TLL1: variants seen among roughly 807,000 people sequenced by gnomAD.
The protein encoded by TLL1 is tolloid like 1.
In TLL1, 49 loss-of-function variants were observed where a neutral mutation model predicts 128.2. The observed-to-expected ratio is 0.38, with a 90% confidence interval of 0.30 to 0.48. The LOEUF (loss-of-function observed/expected upper bound fraction) is 0.48. Among genes scored for constraint, TLL1 ranks in the 20% least tolerant of loss-of-function variants. The pLI is 0.96. For synonymous variants in TLL1, 454 were observed against 418.8 expected (o/e 1.08, Z -1.03); for missense variants, 1,123 against 1,242.0 (o/e 0.90, Z 1.44).
At chr4:165,925,251 CG>C (rs1733218706) in intron 1 of TLL1, among the ~76,000 whole-genome samples, 1 of 152,118 alleles carries the variant, frequency 6.6e-6, no homozygotes, top group African/African-American at 2.4e-5. Context: ...CAAAGTAAAT[CG>C]TAAACCTTCT....
rs1038092298 is a variant in TLL1, at chr4:165,989,176, T to C, written c.170-205T>C. 8.6e-5 allele frequency among the ~76,000 whole-genome samples: 13 copies of C among 152,000 alleles called. 1 individual carries two copies. Among genetic ancestry groups the C allele is most frequent in the Admixed American group, 7.9e-4 (12 of 15,222 alleles). On this transcript the variant is annotated intron_variant, in intron 1 of 20. Coordinates refer to ENST00000061240, the MANE Select transcript of TLL1 (RefSeq NM_012464.5). ...TTCCCCCTCTCCACAAGCAACAATG[T>C]AAAAAAATGGAGTTATGCCCTTTTA...
intron 9 of TLL1, among the ~76,000 whole-genome samples, chr4:166,036,275 TA>T (rs141278913): frequency 0.044 from 6,731 of 152,262 alleles, 192 homozygotes; most frequent in African/African-American, 0.064. Context: ...AAACAGTCTT[TA>T]ATAAGCACAA....
chr4:166,060,258 A>C, intron 15 of TLL1, 70 bp downstream of exon 15: 1 of 1,371,746 alleles, frequency 7.3e-7, no homozygotes, highest in Non-Finnish European at 1.0e-6. Flanking sequence ...TGTGAAATTA[A>C]AAAAAAAAAA....
At chr4:166,099,591 T>C in intron 20 of TLL1, 64 bp downstream of exon 20, 1 of 1,600,854 alleles carries the variant, frequency 6.2e-7, no homozygotes, top group Non-Finnish European at 8.5e-7. Context: ...TCATGATTGA[T>C]ATGTGTACCA....
intron 2 of TLL1, among the ~76,000 whole-genome samples, chr4:165,990,634 A>G (rs935313516): frequency 1.3e-5 from 2 of 151,682 alleles, no homozygotes; most frequent in Non-Finnish European, 3.0e-5. Flanking sequence ...GTGTGTTTAA[A>G]ACAAATTTGA....
intron 15 of TLL1, 76 bp from the exon 16 acceptor site, chr4:166,065,607 G>C (rs1468904849): frequency 5.3e-6 from 8 of 1,513,790 alleles, no homozygotes; most frequent in Non-Finnish European, 7.3e-6. Flanking sequence ...GGAAAAATAA[G>C]ATATGTTTTT....
intron 2 of TLL1, among the ~76,000 whole-genome samples, chr4:165,989,965 A>T (rs566134338): frequency 4.7e-4 from 72 of 151,974 alleles, no homozygotes; most frequent in African/African-American, 1.6e-3. Flanking sequence ...GCAAAATGTA[A>T]ATTATTCTTA....
chr4:166,074,651 G>T (rs144868916), intron 16 of TLL1, among the ~76,000 whole-genome samples: 2 of 151,910 alleles, frequency 1.3e-5, no homozygotes, highest in African/African-American at 2.4e-5. Context: ...AGTTATTATC[G>T]TAGCGCTAAT....
rs1041600593 is a variant in TLL1, at chr4:165,970,755, T to C, written c.170-18626T>C. Reference sequence around the variant, plus strand: ...CAACAGTCATATCTTTGGATAACCATATACAGGCATTTTAAGGACTGTTGG... The same window carrying C: ...CAACAGTCATATCTTTGGATAACCACATACAGGCATTTTAAGGACTGTTGG... On this transcript the variant is annotated intron_variant, in intron 1 of 20. Coordinates refer to ENST00000061240, the MANE Select transcript of TLL1 (RefSeq NM_012464.5). Among the ~76,000 whole-genome samples, 3 of 152,338 alleles carry C rather than the reference T, an allele frequency of 2.0e-5. No individual in the cohort carries two copies. The East Asian group carries it at 5.8e-4, about 29-fold the overall frequency.
At position 166,059,811 on chromosome 4, in the gene TLL1, G is replaced by A. The variant is rs146404488; in HGVS notation, c.1847-217G>A. Among the ~76,000 whole-genome samples, 54 of 151,616 alleles carry A rather than the reference G, an allele frequency of 3.6e-4. No homozygotes were observed. The East Asian group carries it at 9.9e-3, about 28-fold the overall frequency. ...AATTTAGTACAGCCATAATATTCTC[G>A]GCTACTAAGCTACAAAATAACACCT... On this transcript the variant is annotated intron_variant, in intron 14 of 20. Coordinates refer to ENST00000061240, the MANE Select transcript of TLL1 (RefSeq NM_012464.5).
intron 1 of TLL1, among the ~76,000 whole-genome samples, chr4:165,908,662 G>A (rs1367435532): frequency 1.3e-5 from 2 of 151,966 alleles, no homozygotes; most frequent in Non-Finnish European, 2.9e-5. Context: ...AAAGGAGGTT[G>A]GAGATACAGA....
chr4:166,091,104 A>AT, intron 18 of TLL1, 24 bp from the exon 19 acceptor site: 1 of 1,592,912 alleles, frequency 6.3e-7, no homozygotes, highest in Non-Finnish European at 8.6e-7. Flanking sequence ...TTTTTAAAAA[A>AT]ATTATTTCTT....
intron 1 of TLL1, among the ~76,000 whole-genome samples, chr4:165,953,308 C>T (rs149006827): frequency 4.6e-5 from 7 of 152,104 alleles, no homozygotes; most frequent in South Asian, 2.1e-4. Context: ...TTTCAGGAAC[C>T]GTGAGGTACA....
At chr4:166,057,029 T>C (rs1206334360) in intron 13 of TLL1, among the ~76,000 whole-genome samples, 155 bp from the exon 14 acceptor site, 1 of 152,158 alleles carries the variant, frequency 6.6e-6, no homozygotes, top group Non-Finnish European at 1.5e-5. Context: ...CCAACCATGA[T>C]TCAGTTACCT....
chr4:165,980,738 C>G (rs763112997), intron 1 of TLL1, among the ~76,000 whole-genome samples: 8 of 152,002 alleles, frequency 5.3e-5, no homozygotes, highest in Admixed American at 2.0e-4. Flanking sequence ...TTAAAATGGA[C>G]TTTAAGTTGT....
At chr4:166,044,606 T>C (rs948659646) in intron 12 of TLL1, among the ~76,000 whole-genome samples, 4 of 152,194 alleles carry the variant, frequency 2.6e-5, no homozygotes, top group Admixed American at 6.5e-5. Context: ...GGTTTTGCCA[T>C]TATTTGATTG....
chr4:166,003,646 C>A, intron 6 of TLL1, 77 bp downstream of exon 6: 1 of 1,482,934 alleles, frequency 6.7e-7, no homozygotes, highest in East Asian at 2.3e-5. Context: ...TATTATTTCA[C>A]TTTCCCAAAA....
intron 1 of TLL1, among the ~76,000 whole-genome samples, chr4:165,976,034 CAAAAAAAAAA>C (rs1169297533): frequency 9.7e-5 from 7 of 72,098 alleles, no homozygotes; most frequent in Non-Finnish European, 1.5e-4. Context: ...GATTCCATCT[CAAAAAAAAAA>C]AAAAAAAAAA....
At chr4:165,961,156 A>G (rs1212099207) in intron 1 of TLL1, among the ~76,000 whole-genome samples, 2 of 152,144 alleles carry the variant, frequency 1.3e-5, no homozygotes, top group Non-Finnish European at 2.9e-5. Context: ...AAAAATCAGT[A>G]GCATTTTTAC....
Sources: allele counts gnomAD v4.1 joint callset (sites outside exome capture counted in the v4.1 genomes callset), GRCh38; gene constraint gnomAD v4.1.1; transcripts MANE v1.5; gene names NCBI Gene and HGNC (gene_info 2026-07-23, HGNC 2026-07-21).